Variants in ACTN2 observed in about 807,000 individuals in gnomAD.
ACTN2 encodes the protein actinin alpha 2, also known as alpha-actinin-2.
A neutral mutation model predicts 113.8 loss-of-function variants in ACTN2; 39 were observed. The ratio of observed to expected loss-of-function variants is 0.34; its 90% confidence interval spans 0.27 to 0.45. The LOEUF (loss-of-function observed/expected upper bound fraction) is 0.45. ACTN2 is among the 20% of genes least tolerant of loss of function. The pLI, the probability that ACTN2 is intolerant of heterozygous loss-of-function variation, is 1.00. For missense variants in ACTN2, 992 were observed against 1,177.9 expected (o/e 0.84, Z 2.31); for synonymous variants, 429 against 444.1 (o/e 0.97, Z 0.43).
In ACTN2 at chr1:236,717,930, A is replaced by T; in HGVS notation, c.199A>T (p.Arg67Trp). Residue 67 changes from arginine to tryptophan, a missense_variant, in exon 2 of 21, where the codon AGG (arginine) becomes TGG (tryptophan). Around this residue, in one of 3 missense-constraint regions of ACTN2, gnomAD observed 220 missense variants for 337.5 expected, o/e 0.65. Coordinates refer to ENST00000366578, the MANE Select transcript of ACTN2 (RefSeq NM_001103.4). ...GATTGAGAACATCGAGGAAGACTTC[A>T]GGAATGGCCTTAAGCTCATGCTGCT... ...TQIENIEEDFRNGLKLMLLLE... is the reference protein window; with the variant it reads ...TQIENIEEDFWNGLKLMLLLE... 6.2e-7 allele frequency: 1 copy of T among 1,614,186 alleles called. No individual in the cohort carries two copies. Among genetic ancestry groups the T allele is most frequent in the Non-Finnish European group, 8.5e-7 (1 of 1,180,026 alleles).
chr1:236,722,753 A>G (rs572453930), intron 4 of ACTN2, among the ~76,000 whole-genome samples: 1 of 152,302 alleles, frequency 6.6e-6, no homozygotes, highest in Non-Finnish European at 1.5e-5. Flanking sequence ...TTGTGATGCA[A>G]TGAGAAATGT....
chr1:236,694,210 TTTTTC>T, intron 1 of ACTN2, among the ~76,000 whole-genome samples: 1 of 151,868 alleles, frequency 6.6e-6, no homozygotes, highest in African/African-American at 2.4e-5. Context: ...GACATTTTTT[TTTTTC>T]TTTTCTTTTT....
At chr1:236,695,303 G>A (rs1227557044) in intron 1 of ACTN2, among the ~76,000 whole-genome samples, 1 of 151,130 alleles carries the variant, frequency 6.6e-6, no homozygotes, top group African/African-American at 2.4e-5. Flanking sequence ...ACTTGAACCT[G>A]GGAGGCGGCG....
intron 1 of ACTN2, among the ~76,000 whole-genome samples, chr1:236,707,743 A>C (rs1657877712): frequency 9.2e-6 from 1 of 108,932 alleles, no homozygotes; most frequent in Non-Finnish European, 1.7e-5. Context: ...ATGGAGTCTC[A>C]CTCTGTCACC....
In ACTN2 at chr1:236,716,370, G is replaced by T. The variant is rs192619302; in HGVS notation, c.127-1488G>T. On this transcript the variant is annotated intron_variant, in intron 1 of 20. Coordinates refer to ENST00000366578, the MANE Select transcript of ACTN2 (RefSeq NM_001103.4). Reference sequence around the variant, plus strand: ...AGCCCAGCAGCTGTTGTGGGATGAGGGGACATTTTGCATGCTTAGCCAGCA... The same window carrying T: ...AGCCCAGCAGCTGTTGTGGGATGAGTGGACATTTTGCATGCTTAGCCAGCA... Among the ~76,000 whole-genome samples the T allele has an allele frequency of 2.6e-5, 4 of 152,206 alleles. No homozygotes were observed. In the East Asian group the frequency reaches 7.7e-4, roughly 29 times the overall value.
chr1:236,713,000 A>G (rs909909121), intron 1 of ACTN2, among the ~76,000 whole-genome samples: 1 of 150,820 alleles, frequency 6.6e-6, no homozygotes, highest in African/African-American at 2.4e-5. Flanking sequence ...TAATATTGTC[A>G]GTTTTAAAAA....
chr1:236,738,957 T>C (rs1390037105), intron 9 of ACTN2, among the ~76,000 whole-genome samples: 1 of 151,988 alleles, frequency 6.6e-6, no homozygotes, highest in Non-Finnish European at 1.5e-5. Flanking sequence ...TATTTTGGGG[T>C]TGTTTTGTTT....
chr1:236,721,794 C>T (rs374354566), intron 4 of ACTN2, among the ~76,000 whole-genome samples: 9 of 152,210 alleles, frequency 5.9e-5, no homozygotes, highest in African/African-American at 2.2e-4. Context: ...AATCCTTTTT[C>T]CACAAATATT....
intron 1 of ACTN2, among the ~76,000 whole-genome samples, chr1:236,693,304 A>G (rs1657350273): frequency 6.6e-6 from 1 of 152,052 alleles, no homozygotes; most frequent in East Asian, 1.9e-4. Flanking sequence ...ATGATGGTTC[A>G]TTCTTTCATT....
intron 6 of ACTN2, among the ~76,000 whole-genome samples, chr1:236,729,545 T>C (rs1658657436): frequency 6.6e-6 from 1 of 152,188 alleles, no homozygotes; most frequent in African/African-American, 2.4e-5. Context: ...AAGAGTGTCC[T>C]GGCTTCCACC....
At chr1:236,752,282 G>C (rs1659417671) in intron 15 of ACTN2, among the ~76,000 whole-genome samples, 1 of 152,106 alleles carries the variant, frequency 6.6e-6, no homozygotes, top group Non-Finnish European at 1.5e-5. Flanking sequence ...TGAGGAATAA[G>C]TCCACCACGT....
intron 6 of ACTN2, among the ~76,000 whole-genome samples, chr1:236,728,740 G>A (rs1450008240): frequency 6.6e-6 from 1 of 151,806 alleles, no homozygotes; most frequent in East Asian, 2.0e-4. Context: ...TTTAAAAGTA[G>A]TTTTAAGGCC....
intron 9 of ACTN2, 48 bp downstream of exon 9, chr1:236,737,262 C>A: frequency 8.2e-7 from 1 of 1,219,298 alleles, no homozygotes; most frequent in Non-Finnish European, 1.2e-6. Context: ...CACGCAGGGG[C>A]TGAGGCACAG....
chr1:236,746,842 A>G (rs1659252725), intron 12 of ACTN2, among the ~76,000 whole-genome samples: 1 of 152,214 alleles, frequency 6.6e-6, no homozygotes, highest in South Asian at 2.1e-4. Context: ...GTGGCATTAG[A>G]TGAGTCAGAA....
chr1:236,751,150 A>G (rs1320421994), intron 14 of ACTN2, among the ~76,000 whole-genome samples: 2 of 151,924 alleles, frequency 1.3e-5, no homozygotes, highest in South Asian at 2.1e-4. Flanking sequence ...GCTCGTCAGC[A>G]GAAAATAAGA....
intron 5 of ACTN2, 120 bp from the exon 6 acceptor site, chr1:236,727,558 A>C: frequency 1.0e-6 from 1 of 997,114 alleles, no homozygotes; most frequent in Non-Finnish European, 1.6e-6. Flanking sequence ...AGGAAGCTAC[A>C]TGGGGCCCTC....
At position 236,731,216 on chromosome 1, in the gene ACTN2, T is replaced by C; in HGVS notation, c.616-17T>C. 6.3e-7 allele frequency: 1 copy of C among 1,593,756 alleles called. No individual in the cohort carries two copies. Among genetic ancestry groups the C allele is most frequent in the Non-Finnish European group, 8.6e-7 (1 of 1,161,576 alleles). ...AAAATATATTTTAAAAATCTGACTG[T>C]CTTGGTTTTCATACAGGATGACCCC... On this transcript the variant is annotated splice_polypyrimidine_tract_variant and intron_variant, in intron 6 of 20. Transcript: ENST00000366578.
At chr1:236,740,777 C>T (rs1244318428) in intron 10 of ACTN2, among the ~76,000 whole-genome samples, 1 of 152,130 alleles carries the variant, frequency 6.6e-6, no homozygotes, top group Non-Finnish European at 1.5e-5. Flanking sequence ...GTGATCCACC[C>T]ACCTCGGCCT....
intron 12 of ACTN2, among the ~76,000 whole-genome samples, chr1:236,746,567 G>T (rs1049656644): frequency 6.6e-6 from 1 of 152,076 alleles, no homozygotes; most frequent in Admixed American, 6.6e-5. Context: ...AGAGCCGGGT[G>T]TAGTGGCACA....
Sources: gnomAD v4.1 joint callset for allele counts (sites outside exome capture counted in the v4.1 genomes callset) on GRCh38, gnomAD v4.1.1 for gene constraint, gnomAD v4.1.1 regional missense constraint, MANE v1.5 for transcripts, NCBI Gene and HGNC (gene_info 2026-07-23, HGNC 2026-07-21) for gene names.